CPT1B: variants seen among roughly 807,000 people sequenced by gnomAD.
The protein encoded by CPT1B is carnitine palmitoyltransferase 1B, also known as carnitine O-palmitoyltransferase 1, muscle isoform.
A neutral mutation model predicts 92.7 loss-of-function variants in CPT1B; 57 were observed. The observed-to-expected ratio is 0.62, with a 90% CI of 0.50 to 0.77. The LOEUF (loss-of-function observed/expected upper bound fraction) is 0.77, where lower values mean the gene tolerates loss of function less well. Among genes scored for constraint, CPT1B ranks in the 30% least tolerant of loss-of-function variants. CPT1B has a pLI of 0.00. For synonymous variants in CPT1B, 398 were observed against 383.5 expected, an observed-to-expected ratio of 1.04 and a Z score of -0.44; for missense variants, 983 against 1,017.4, an observed-to-expected ratio of 0.97 and a Z score of 0.46.
chr22:50,572,152 G>T (rs1385932381), intron 12 of CPT1B, 30 bp from the exon 13 acceptor site: 1 of 1,611,052 alleles, frequency 6.2e-7, no homozygotes, highest in South Asian at 1.1e-5. Context: ...CTGAGAGGCT[G>T]GCCTCATCCC....
In CPT1B at chr22:50,573,838, C is replaced by T; in HGVS notation, c.971-123G>A. 2 of 866,494 alleles carry T rather than the reference C, an allele frequency of 2.3e-6. No homozygotes were observed. Among genetic ancestry groups the T allele is most frequent in the Admixed American group, 2.0e-5 (1 of 50,210 alleles). 53.7% of individuals were successfully genotyped at this position (866,494 alleles called of 1,614,324 possible). On this transcript the variant is annotated intron_variant, in intron 9 of 19. Coordinates refer to ENST00000312108, the MANE Select transcript of CPT1B (RefSeq NM_152246.3). This position sits in a 1 kb window ranked among gnomAD's most constrained non-coding sequence, Gnocchi z 5.0. The stretch of plus-strand genomic sequence containing the variant: ...TTTGCTCGGCCTCTGCCTGGGCCTT[C>T]CTGCCCCCTGGATGGGATCCGTGTG...
intron 11 of CPT1B, 113 bp from the exon 12 acceptor site, chr22:50,572,421 TCTCA>T (rs1331529618): frequency 3.0e-6 from 2 of 675,468 alleles, no homozygotes; most frequent in East Asian, 2.7e-5. Flanking sequence ...TCTCTTTTTC[TCTCA>T]CTTTTTTTTT....
intron 2 of CPT1B, 89 bp from the exon 3 acceptor site, chr22:50,577,552 C>A: frequency 6.5e-7 from 1 of 1,539,700 alleles, no homozygotes; most frequent in Non-Finnish European, 8.8e-7. Context: ...CTGGTCTTGG[C>A]CTGGAAGGCT....
intron 13 of CPT1B, 120 bp from the exon 14 acceptor site, chr22:50,571,659 CAGG>C (rs1013805505): frequency 6.1e-6 from 7 of 1,143,480 alleles, no homozygotes; most frequent in Middle Eastern, 2.7e-4. Flanking sequence ...AAGACATCTT[CAGG>C]AGGAGGGTAC....
chr22:50,569,231 T>C lies in CPT1B; in HGVS notation c.*2+105A>G. ...CGAGGACCTGCTGCCGGAGCTGTCC[T>C]TGGAGCCTGGGCACCTGTGCACGGC... On this transcript the variant is annotated intron_variant, in intron 19 of 19. Coordinates refer to ENST00000312108, the MANE Select transcript of CPT1B (RefSeq NM_152246.3). The C allele has an allele frequency of 4.4e-6, 5 of 1,129,352 alleles. No individual in the cohort carries two copies. The South Asian group carries it at 7.2e-5, about 16-fold the overall frequency. 70.0% of individuals were successfully genotyped at this position (1,129,352 alleles called of 1,614,324 possible).
At chr22:50,577,067 C>G (rs1448785183) in intron 3 of CPT1B, 33 bp from the exon 4 acceptor site, 1 of 1,608,340 alleles carries the variant, frequency 6.2e-7, no homozygotes, top group Non-Finnish European at 8.5e-7. Context: ...GCAGGGGGTC[C>G]TCTTGAGGCC....
chr22:50,575,185 T>C (rs181700220), intron 7 of CPT1B, among the ~76,000 whole-genome samples: 288 of 152,112 alleles, frequency 1.9e-3, no homozygotes, highest in Non-Finnish European at 3.6e-3. Flanking sequence ...GGCTAATTTT[T>C]TGTATTTTTG....
intron 16 of CPT1B, 148 bp downstream of exon 16, chr22:50,570,743 G>A: frequency 9.9e-7 from 1 of 1,012,346 alleles, no homozygotes; most frequent in African/African-American, 1.6e-5. Flanking sequence ...AGGCCCAGGT[G>A]GGGTGTGGGC....
chr22:50,574,070 C>A, intron 9 of CPT1B: 2 of 668,852 alleles, frequency 3.0e-6, no homozygotes, highest in Non-Finnish European at 5.5e-6. Flanking sequence ...ATGGCAGCGC[C>A]GGGTCTGTCC....
In CPT1B at chr22:50,571,051, G is replaced by T; in HGVS notation, c.1876-8C>A. Reference sequence around the variant, plus strand: ...ATCTCGCAGGTCTGCTTTCTGCGGGGCAGAAGTAAAGGGGTGAAGAGTAGC... The same window carrying T: ...ATCTCGCAGGTCTGCTTTCTGCGGGTCAGAAGTAAAGGGGTGAAGAGTAGC... On this transcript the variant is annotated splice_region_variant and splice_polypyrimidine_tract_variant and intron_variant, in intron 15 of 19. Coordinates refer to ENST00000312108, the MANE Select transcript of CPT1B (RefSeq NM_152246.3). The T allele has an allele frequency of 6.2e-7, 1 of 1,613,830 alleles. No individual in the cohort carries two copies.
At chr22:50,570,197 G>A (rs993347723) in intron 17 of CPT1B, 96 bp downstream of exon 17, 3 of 870,958 alleles carry the variant, frequency 3.4e-6, no homozygotes, top group Non-Finnish European at 5.2e-6. Context: ...TCTAAGCAAG[G>A]TGCTCCTGCC....
At position 50,571,529 on chromosome 22, in the gene CPT1B, A is replaced by T; in HGVS notation, c.1586T>A (p.Val529Asp). The part of the protein sequence containing the change: ...QWDIPKQCQA[V>D]IESSYQVAKA... ...GGCCACCTGGTAGGAACTCTCGATG[A>T]CCGCCTGGCACTGCCAAGACATGGG... The change falls in exon 14 of 20, where the codon GTC becomes GAC. Residue 529 changes from valine (V) to aspartate (D), a missense_variant. Coordinates refer to ENST00000312108, the MANE Select transcript of CPT1B (RefSeq NM_152246.3). 1 of 1,612,068 alleles carries T rather than the reference A, an allele frequency of 6.2e-7. No homozygotes were observed. Among genetic ancestry groups the T allele is most frequent in the Non-Finnish European group, 8.5e-7 (1 of 1,179,938 alleles).
rs751641817 is a variant in CPT1B at position 50,570,300 on chromosome 22, A to G, written c.2135T>C (p.Phe712Ser). 4.4e-6 allele frequency: 7 copies of G among 1,574,356 alleles called. No individual in the cohort carries two copies. The highest frequency in any genetic ancestry group is 6.0e-6 in the Non-Finnish European group (7 of 1,157,270). The change falls in exon 17 of 20, where the codon TTT becomes TCT. Residue 712 changes from phenylalanine (F) to serine (S), a missense_variant. Phe to Ser is a radical substitution (Grantham distance 155). Coordinates refer to ENST00000312108, the MANE Select transcript of CPT1B (RefSeq NM_152246.3). ...CCCTTCAGGAGCACTCACAGGGCCA[A>G]AGCCACCTCCAGCGCCCAGGTGATT... ...HPNHLGAGGG[F>S]GPVADDGYGV...
intron 13 of CPT1B, 31 bp from the exon 14 acceptor site, chr22:50,571,570 G>A (rs1261780508): frequency 1.2e-6 from 2 of 1,604,236 alleles, no homozygotes; most frequent in South Asian, 1.1e-5. Context: ...TCAGCTGAGG[G>A]TAGGGCTCTC....
rs1372151896 is a variant in CPT1B, at chr22:50,576,122, G to A, written c.700-10C>T. The stretch of plus-strand genomic sequence containing the variant: ...CCCACCAGTCACTCACCTGTGGGGA[G>A]GTGGAAGGTTAGAGCTGGGGCGGGT... On this transcript the variant is annotated splice_polypyrimidine_tract_variant and intron_variant, in intron 6 of 19. Transcript: ENST00000312108. 5 of 1,614,026 alleles carry A rather than the reference G, an allele frequency of 3.1e-6. No individual in the cohort carries two copies. Among genetic ancestry groups the A allele is most frequent in the Admixed American group, 1.7e-5 (1 of 60,000 alleles).
chr22:50,577,597 G>A (rs1296915360), intron 2 of CPT1B, 134 bp from the exon 3 acceptor site: 31 of 1,412,082 alleles, frequency 2.2e-5, no homozygotes, highest in Middle Eastern at 2.1e-4. Context: ...TCCTTCCTCC[G>A]CCACACCCAC....
At chr22:50,576,467 CT>C in intron 5 of CPT1B, 68 bp downstream of exon 5, 1 of 1,600,970 alleles carries the variant, frequency 6.2e-7, no homozygotes, top group Non-Finnish European at 8.5e-7. Flanking sequence ...TGCACAGAAC[CT>C]TATATTTGGA....
At chr22:50,571,824 G>T in intron 13 of CPT1B, 182 bp downstream of exon 13, 1 of 706,094 alleles carries the variant, frequency 1.4e-6, no homozygotes, top group Non-Finnish European at 2.4e-6. Context: ...GGCGGTGGGT[G>T]GTCTCTGTCC....
chr22:50,569,041 A>G lies in CPT1B; in HGVS notation c.*43T>C. On this transcript the variant is annotated 3_prime_UTR_variant, in exon 20 of 20. Coordinates refer to ENST00000312108, the MANE Select transcript of CPT1B (RefSeq NM_152246.3). ...CTGTGGTCTGAGCTGGGGGAGGGGG[A>G]GGGCCTCCGAGTTCCCAAACAAAAC... 7 of 295,790 alleles carry G rather than the reference A, an allele frequency of 2.4e-5. No homozygotes were observed. Among genetic ancestry groups the G allele is most frequent in the South Asian group, 8.9e-5 (2 of 22,510 alleles). The allele number at this position is 295,790 out of a possible 1,614,324, so 18.3% of individuals were successfully genotyped here.
Sources: allele counts gnomAD v4.1 joint callset (sites outside exome capture counted in the v4.1 genomes callset), GRCh38; gene constraint gnomAD v4.1.1; non-coding constraint Gnocchi (gnomAD v3.1); transcripts MANE v1.5; gene names NCBI Gene and HGNC (gene_info 2026-07-23, HGNC 2026-07-21).